KNG1: variants seen among roughly 807,000 people sequenced by gnomAD.
KNG1 encodes kininogen-1.
In KNG1, 23 loss-of-function variants were observed where a neutral mutation model predicts 47.8. The observed-to-expected ratio is 0.48, with a 90% confidence interval of 0.35 to 0.68. The LOEUF is 0.68. KNG1 is among the 30% of genes least tolerant of loss of function. The pLI is 0.01. For missense variants in KNG1, 762 were observed against 790.2 expected (o/e 0.96, Z 0.43); for synonymous variants, 277 against 277.0 (o/e 1.00, Z 0.00).
Position 186,739,134 on chromosome 3 carries a change from G to A in KNG1, c.966G>A (p.Val322=). 2 of 1,614,010 alleles carry A rather than the reference G, an allele frequency of 1.2e-6. No individual in the cohort carries two copies. Among genetic ancestry groups the A allele is most frequent in the East Asian group, 2.2e-5 (1 of 44,884 alleles). Residue 322 remains valine, a synonymous_variant, in exon 8 of 10, where the codon GTG becomes GTA. Coordinates refer to ENST00000644859, the MANE Select transcript of KNG1 (RefSeq NM_001102416.3). ...GCAAGAAATATTTTATTGACTTCGTGGCCAGGGAAACCACATGTTCCAAGG... is the reference window on the plus strand; with the variant it reads ...GCAAGAAATATTTTATTGACTTCGTAGCCAGGGAAACCACATGTTCCAAGG... ...VAGKKYFIDF[V]ARETTCSKES...
chr3:186,732,881 G>A (rs1322301941), intron 7 of KNG1, among the ~76,000 whole-genome samples: 1 of 152,156 alleles, frequency 6.6e-6, no homozygotes, highest in Non-Finnish European at 1.5e-5. Flanking sequence ...TTTTCTATAT[G>A]TAAAGGACTG....
intron 3 of KNG1, among the ~76,000 whole-genome samples, chr3:186,722,873 G>A (rs1720246467): frequency 6.6e-6 from 1 of 152,194 alleles, no homozygotes; most frequent in African/African-American, 2.4e-5. Context: ...ATCTTTCAGA[G>A]CTCCTTGCCT....
intron 4 of KNG1, 71 bp downstream of exon 4, chr3:186,725,331 G>A: frequency 7.0e-7 from 1 of 1,427,856 alleles, no homozygotes. Flanking sequence ...TAAAATGTAT[G>A]ATTGCATGGC....
At chr3:186,724,330 C>T (rs917878977) in intron 3 of KNG1, among the ~76,000 whole-genome samples, 1 of 152,234 alleles carries the variant, frequency 6.6e-6, no homozygotes, top group Non-Finnish European at 1.5e-5. Flanking sequence ...ACTCACTCTG[C>T]AGCTACGTTC....
In KNG1 at chr3:186,720,179, C is replaced by G; in HGVS notation, c.270C>G (p.Thr90=). 7.4e-6 allele frequency: 12 copies of G among 1,613,450 alleles called. No homozygotes were observed. The highest frequency in any genetic ancestry group is 9.3e-6 in the Non-Finnish European group (11 of 1,179,436). ...ATTGTCCTGTTCAAAGTGGCAAAAC[C>G]TGGCAGGACTGTGAGTACAAGGATG... ...EGDCPVQSGK[T]WQDCEYKDAA... is the part of the protein sequence containing the mutation. The change falls in exon 2 of 10, where the codon ACC becomes ACG. Residue 90 remains threonine, a synonymous_variant. Transcript: ENST00000644859.
intron 7 of KNG1, chr3:186,738,874 C>T (rs1469845224): frequency 4.2e-6 from 2 of 481,582 alleles, no homozygotes; most frequent in Non-Finnish European, 7.4e-6. Context: ...AAAATTATAG[C>T]TTGCTTATTT....
At chr3:186,733,314 G>A (rs560411677) in intron 7 of KNG1, among the ~76,000 whole-genome samples, 1 of 152,230 alleles carries the variant, frequency 6.6e-6, no homozygotes, top group African/African-American at 2.4e-5. Flanking sequence ...CAGGGCTAGG[G>A]CCAGGAAGAC....
chr3:186,741,033 G>A (rs958195632), intron 9 of KNG1, among the ~76,000 whole-genome samples: 2 of 151,118 alleles, frequency 1.3e-5, no homozygotes, highest in East Asian at 1.9e-4. Context: ...AGTCACTGTC[G>A]CCTAGGCTGG....
chr3:186,722,609 C>G, intron 3 of KNG1, 88 bp downstream of exon 3: 1 of 1,075,194 alleles, frequency 9.3e-7, no homozygotes, highest in Non-Finnish European at 1.4e-6. Context: ...GCTCTGCTTG[C>G]TCCCAGAGGG....
chr3:186,727,958 A>G (rs1720418712), intron 5 of KNG1, among the ~76,000 whole-genome samples: 1 of 152,112 alleles, frequency 6.6e-6, no homozygotes, highest in South Asian at 2.1e-4. Flanking sequence ...ATGTCTCCAC[A>G]CTTTCCCATT....
chr3:186,720,831 T>C (rs1224818761), intron 2 of KNG1, among the ~76,000 whole-genome samples: 1 of 134,866 alleles, frequency 7.4e-6, no homozygotes, highest in Non-Finnish European at 1.6e-5. Context: ...GCTCTGTCGC[T>C]CAGGCTGGAG....
chr3:186,723,463 T>C (rs1656914), intron 3 of KNG1, among the ~76,000 whole-genome samples: 75,348 of 151,924 alleles, frequency 0.5, 18,918 homozygotes, highest in Middle Eastern at 0.6. Context: ...CATTCTCTTC[T>C]CTTCTCTATC....
intron 4 of KNG1, among the ~76,000 whole-genome samples, chr3:186,725,486 C>G (rs1390815136): frequency 6.7e-6 from 1 of 149,228 alleles, no homozygotes; most frequent in East Asian, 1.9e-4. Context: ...AATGGGTAAT[C>G]GTCATTACAG....
At position 186,732,974 on chromosome 3, in the gene KNG1, G is replaced by A. The variant is rs1241579689; in HGVS notation, c.930+300G>A. 3.9e-5 allele frequency among the ~76,000 whole-genome samples: 6 copies of A among 152,248 alleles called. No individual in the cohort carries two copies. In the East Asian group the frequency reaches 5.8e-4, roughly 15 times the overall value. On this transcript the variant is annotated intron_variant, in intron 7 of 9. Coordinates refer to ENST00000644859, the MANE Select transcript of KNG1 (RefSeq NM_001102416.3). The stretch of plus-strand genomic sequence containing the variant: ...TATATAAATACAATAGCAGCTGGGC[G>A]CGGTGGCTCACACCTGCAATACCAG...
chr3:186,726,341 A>G (rs1455208848), intron 4 of KNG1, among the ~76,000 whole-genome samples: 1 of 136,696 alleles, frequency 7.3e-6, no homozygotes, highest in Non-Finnish European at 1.5e-5. Flanking sequence ...TGGAGGCTGG[A>G]GTGCAGTGGT....
Position 186,741,570 on chromosome 3 carries a change from C to A in KNG1, c.1174C>A (p.Arg392=). ...PPGFSPFRSS[R]IGEIKEETTV... is the part of the protein sequence containing the mutation. The stretch of plus-strand genomic sequence containing the variant: ...AGGTTTTTCACCTTTCCGATCATCA[C>A]GAATAGGGGAAATAAAAGAAGAAAC... Residue 392 remains arginine, a synonymous_variant, in exon 10 of 10, where the codon CGA becomes AGA. Coordinates refer to ENST00000644859, the MANE Select transcript of KNG1 (RefSeq NM_001102416.3). 11 of 1,610,080 alleles carry A rather than the reference C, an allele frequency of 6.8e-6. No homozygotes were observed. The highest frequency in any genetic ancestry group is 5.9e-6 in the Non-Finnish European group (7 of 1,178,964).
chr3:186,730,655 CAAAAAAAAAAAAAAAAAA>C (rs869232105), intron 5 of KNG1, among the ~76,000 whole-genome samples: 2 of 80,116 alleles, frequency 2.5e-5, no homozygotes, highest in African/African-American at 9.9e-5. Context: ...GACTCCATCA[CAAAAAAAAAAAAAAAAAA>C]AAAAAAAAAA....
intron 7 of KNG1, among the ~76,000 whole-genome samples, chr3:186,733,858 C>T (rs1207244761): frequency 6.6e-6 from 1 of 152,060 alleles, no homozygotes; most frequent in Non-Finnish European, 1.5e-5. Flanking sequence ...ATCCCAGCTA[C>T]TCGGAAGGCT....
rs201943382 is a variant in KNG1, at chr3:186,732,536, C to T, written c.792C>T (p.Cys264=). 1.9e-5 allele frequency: 30 copies of T among 1,614,108 alleles called. No individual in the cohort carries two copies. Among genetic ancestry groups the T allele is most frequent in the Non-Finnish European group, 2.5e-5 (30 of 1,180,012 alleles). ...TTGTACAACCACCTACCAAGATTTG[C>T]GTGGGCTGCCCCAGAGATATACCCA... is the stretch of plus-strand genomic sequence containing the variant. ...KDFVQPPTKI[C]VGCPRDIPTN... The change falls in exon 7 of 10, where the codon TGC becomes TGT. Residue 264 remains cysteine (C), a synonymous_variant. Coordinates refer to ENST00000644859, the MANE Select transcript of KNG1 (RefSeq NM_001102416.3).
Sources: gnomAD v4.1 joint callset for allele counts (sites outside exome capture counted in the v4.1 genomes callset) on GRCh38, gnomAD v4.1.1 for gene constraint, MANE v1.5 for transcripts, NCBI Gene and HGNC (gene_info 2026-07-23, HGNC 2026-07-21) for gene names.